Variants in BOC observed in about 807,000 individuals in gnomAD.
The protein encoded by BOC is BOC cell adhesion associated, oncogene regulated.
In BOC, 76 loss-of-function variants were observed where a neutral mutation model predicts 112.0. That is an observed-to-expected ratio of 0.68 (90% confidence interval 0.56 to 0.82). The LOEUF is 0.82. BOC is among the 40% of genes least tolerant of loss of function. BOC has a pLI of 0.00. For synonymous variants in BOC, 580 were observed against 599.8 expected, an observed-to-expected ratio of 0.97 and a Z score of 0.48; for missense variants, 1,309 against 1,511.7, an observed-to-expected ratio of 0.87 and a Z score of 2.22.
chr3:113,283,663 C>A (rs753725481), intron 16 of BOC, 31 bp downstream of exon 16: 3 of 1,596,986 alleles, frequency 1.9e-6, no homozygotes, highest in East Asian at 2.2e-5. Flanking sequence ...GTGGGAGGAT[C>A]CTGGGTGGGA....
intron 4 of BOC, among the ~76,000 whole-genome samples, chr3:113,258,921 G>A (rs1328514843): frequency 1.3e-5 from 2 of 152,196 alleles, no homozygotes; most frequent in East Asian, 3.8e-4. Context: ...AATGAATAAG[G>A]AATACCTTAT....
chr3:113,242,831 A>C (rs1944470294), intron 2 of BOC, among the ~76,000 whole-genome samples: 1 of 152,106 alleles, frequency 6.6e-6, no homozygotes. Context: ...GTAAGTCTCC[A>C]AAGTGGGGTG....
chr3:113,224,820 A>G (rs9827831), intron 2 of BOC, among the ~76,000 whole-genome samples: 60,289 of 152,050 alleles, frequency 0.4, 12,128 homozygotes, highest in East Asian at 0.57. Flanking sequence ...TAGGCCGGGC[A>G]TGGTGGCTCA....
At chr3:113,282,672 T>G (rs1576508454) in intron 15 of BOC, among the ~76,000 whole-genome samples, 1 of 151,064 alleles carries the variant, frequency 6.6e-6, no homozygotes, top group African/African-American at 2.4e-5. Context: ...CGGGACTAGG[T>G]GAGAATATAC....
At chr3:113,279,600 T>C (rs1948996908) in intron 12 of BOC, 145 bp downstream of exon 12, 1 of 875,934 alleles carries the variant, frequency 1.1e-6, no homozygotes, top group Admixed American at 2.6e-5. Context: ...CTGTGGTGTT[T>C]ACCACAGTCC....
intron 8 of BOC, among the ~76,000 whole-genome samples, 168 bp downstream of exon 8, chr3:113,273,509 T>C (rs1223396173): frequency 6.6e-6 from 1 of 152,236 alleles, no homozygotes; most frequent in Admixed American, 6.5e-5. Context: ...TTTTCACTAA[T>C]GAAAATAACC....
rs543969242 is a variant in BOC at position 113,285,433 on chromosome 3, C to T, written c.3028C>T (p.His1010Tyr). 2.5e-6 allele frequency: 4 copies of T among 1,614,016 alleles called. No homozygotes were observed. In the South Asian group the frequency reaches 3.3e-5, roughly 13 times the overall value. ...ATACACACTGCCCGACGACTCCACTCACCAGCTGCTGCAGCCCCATCACGA... is the reference window on the plus strand; with the variant it reads ...ATACACACTGCCCGACGACTCCACTTACCAGCTGCTGCAGCCCCATCACGA... ...FLYTLPDDST[H>Y]QLLQPHHDCC... The change falls in exon 19 of 20, where the codon CAC (histidine) becomes TAC (tyrosine). Residue 1010 changes from histidine to tyrosine, a missense_variant. Transcript: ENST00000682979.
chr3:113,260,508 C>G (rs1054836610), intron 4 of BOC, among the ~76,000 whole-genome samples: 2 of 152,124 alleles, frequency 1.3e-5, no homozygotes, highest in Non-Finnish European at 2.9e-5. Flanking sequence ...CAGGGGTCCC[C>G]AACCCCCAGG....
At chr3:113,225,099 CA>C (rs1263166972) in intron 2 of BOC, among the ~76,000 whole-genome samples, 2 of 151,584 alleles carry the variant, frequency 1.3e-5, no homozygotes, top group Non-Finnish European at 1.5e-5. Flanking sequence ...AAAAACAAAA[CA>C]AAAACAAACA....
chr3:113,286,337 T>C (rs755532248), intron 19 of BOC, among the ~76,000 whole-genome samples: 8 of 152,200 alleles, frequency 5.3e-5, no homozygotes, highest in Non-Finnish European at 5.9e-5. Context: ...CCAGAAGCCA[T>C]AGCAAAGGGT....
At chr3:113,260,846 T>A (rs565917573) in intron 4 of BOC, among the ~76,000 whole-genome samples, 8 of 151,828 alleles carry the variant, frequency 5.3e-5, no homozygotes, top group South Asian at 4.2e-4. Context: ...TGTGCGCCCC[T>A]TATGAGAATC....
chr3:113,233,626 C>T (rs1475465113), intron 2 of BOC, among the ~76,000 whole-genome samples: 1 of 152,078 alleles, frequency 6.6e-6, no homozygotes, highest in Non-Finnish European at 1.5e-5. Flanking sequence ...GTCTAACGGT[C>T]AGTTGAACCC....
chr3:113,211,028 C>T (rs1226877976), upstream of BOC: 1 of 152,236 alleles, frequency 6.6e-6, no homozygotes, highest in Non-Finnish European at 1.5e-5. Context: ...TCGGGGGAGG[C>T]TGCGTTAAGG....
At position 113,279,430 on chromosome 3, in the gene BOC, C is replaced by G. The variant is rs149565679; in HGVS notation, c.1998C>G (p.Ser666=). 5.0e-6 allele frequency: 8 copies of G among 1,614,096 alleles called. No homozygotes were observed. In the East Asian group the frequency reaches 1.6e-4, roughly 31 times the overall value. The change falls in exon 12 of 20, where the codon TCC becomes TCG. Residue 666 remains serine, a synonymous_variant. Transcript: ENST00000682979. ...GCGCCATCCCCCCATCGCGGCTGTC[C>G]GTGGAGATCACGGGCCTAGAGAAAG... The part of the protein sequence containing the change: ...ATSAIPPSRL[S]VEITGLEKGT...
chr3:113,228,382 A>G lies in BOC; in HGVS notation c.-82+12108A>G, dbSNP rs541604581. The stretch of plus-strand genomic sequence containing the variant: ...GTACAGGGCTCCTGATTTTGCTGAG[A>G]AGGAGGAAGTCAGCAAGGAGGAATA... On this transcript the variant is annotated intron_variant, in intron 2 of 19. Coordinates refer to ENST00000682979, the MANE Select transcript of BOC (RefSeq NM_001378074.1). Among the ~76,000 whole-genome samples the G allele has an allele frequency of 3.3e-5, 5 of 152,026 alleles. No homozygotes were observed. In the South Asian group the frequency reaches 1.0e-3, roughly 32 times the overall value.
rs1323847760 is a variant in BOC, at chr3:113,284,766, T to C, written c.2890-16T>C. The C allele has an allele frequency of 6.2e-7, 1 of 1,613,900 alleles. No individual in the cohort carries two copies. The highest frequency in any genetic ancestry group is 1.7e-5 in the Admixed American group (1 of 60,028). ...CTCCCCGGCGTGGCCGTCTCATTAC[T>C]CTTCCTTTTGAGCAGCAGAGTGACA... On this transcript the variant is annotated splice_polypyrimidine_tract_variant and intron_variant, in intron 17 of 19. Coordinates refer to ENST00000682979, the MANE Select transcript of BOC (RefSeq NM_001378074.1).
chr3:113,217,493 C>T (rs1311589911), intron 2 of BOC, among the ~76,000 whole-genome samples: 1 of 151,446 alleles, frequency 6.6e-6, no homozygotes, highest in African/African-American at 2.4e-5. Flanking sequence ...TGCCACTGCA[C>T]TCCAGCCTGG....
chr3:113,237,147 A>G (rs993361009), intron 2 of BOC, among the ~76,000 whole-genome samples: 2 of 152,210 alleles, frequency 1.3e-5, no homozygotes, highest in Non-Finnish European at 2.9e-5. Flanking sequence ...GTGATGGAAC[A>G]TCAGGAAGGG....
Position 113,278,014 on chromosome 3 carries a change from A to G in BOC, c.1543-81A>G. On this transcript the variant is annotated intron_variant, in intron 9 of 19. Coordinates refer to ENST00000682979, the MANE Select transcript of BOC (RefSeq NM_001378074.1). The surrounding 1 kb of genome is among the most constrained non-coding windows in gnomAD (Gnocchi z 4.2). ...CCCCTTCTCCTGCCCTCTTGGGCTCAGCGCTGCTTTCTTTGTAAACCATAG... is the reference window on the plus strand; with the variant it reads ...CCCCTTCTCCTGCCCTCTTGGGCTCGGCGCTGCTTTCTTTGTAAACCATAG... 6.5e-7 allele frequency: 1 copy of G among 1,536,374 alleles called. No homozygotes were observed. Among genetic ancestry groups the G allele is most frequent in the Non-Finnish European group, 8.9e-7 (1 of 1,123,250 alleles).
Sources: allele counts gnomAD v4.1 joint callset (sites outside exome capture counted in the v4.1 genomes callset), GRCh38; gene constraint gnomAD v4.1.1; non-coding constraint Gnocchi (gnomAD v3.1); transcripts MANE v1.5; gene names NCBI Gene and HGNC (gene_info 2026-07-23, HGNC 2026-07-21).